Variants in CNOT4 observed in about 807,000 individuals in gnomAD.
CNOT4 encodes CCR4-NOT transcription complex subunit 4, also known as CCR4-associated factor 4.
Under a neutral mutation model 73.8 loss-of-function variants are expected in CNOT4, and 8 were observed. That is an observed-to-expected ratio of 0.11 (90% CI 0.06 to 0.20). The LOEUF (loss-of-function observed/expected upper bound fraction) is 0.20. Among genes scored for constraint, CNOT4 ranks in the 10% least tolerant of loss-of-function variants. CNOT4 has a pLI of 1.00. For synonymous variants in CNOT4, 293 were observed against 321.1 expected (o/e 0.91, Z 0.94); for missense variants, 564 against 883.4 (o/e 0.64, Z 4.58).
intron 10 of CNOT4, 128 bp downstream of exon 10, chr7:135,393,790 A>C (rs1796524338): frequency 3.0e-6 from 2 of 661,862 alleles, no homozygotes; most frequent in Non-Finnish European, 5.3e-6. Context: ...GATTATGATA[A>C]AGACTAATCT....
intron 1 of CNOT4, among the ~76,000 whole-genome samples, chr7:135,481,659 A>T (rs767143682): frequency 2.0e-5 from 3 of 152,210 alleles, no homozygotes; most frequent in Non-Finnish European, 4.4e-5. Flanking sequence ...TTATTGCAGC[A>T]CTATTCACAA....
chr7:135,499,059 T>G (rs1158553051), intron 1 of CNOT4, among the ~76,000 whole-genome samples: 2 of 152,082 alleles, frequency 1.3e-5, no homozygotes, highest in African/African-American at 4.8e-5. Context: ...AAGGCAGAGG[T>G]TTTTTTCATA....
At chr7:135,418,112 A>T (rs1181620300) in intron 3 of CNOT4, among the ~76,000 whole-genome samples, 1 of 152,240 alleles carries the variant, frequency 6.6e-6, no homozygotes, top group Non-Finnish European at 1.5e-5. Flanking sequence ...TTAGCATTAA[A>T]CAAAAAGAAT....
chr7:135,493,537 T>C (rs1353661278), intron 1 of CNOT4, among the ~76,000 whole-genome samples: 1 of 151,944 alleles, frequency 6.6e-6, no homozygotes, highest in Non-Finnish European at 1.5e-5. Flanking sequence ...TTCCACTGGG[T>C]TGCACAATGG....
chr7:135,369,237 AAAC>A (rs1795065884), intron 10 of CNOT4, among the ~76,000 whole-genome samples: 1 of 152,226 alleles, frequency 6.6e-6, no homozygotes, highest in Non-Finnish European at 1.5e-5. Context: ...AACACATGTA[AAAC>A]AAGCCCCCAA....
At chr7:135,500,103 T>C (rs1803864299) in intron 1 of CNOT4, among the ~76,000 whole-genome samples, 2 of 152,200 alleles carry the variant, frequency 1.3e-5, no homozygotes, top group South Asian at 4.1e-4. Context: ...AAAAGGTTCA[T>C]GGCATTATGA....
At chr7:135,493,367 C>G (rs1226767623) in intron 1 of CNOT4, among the ~76,000 whole-genome samples, 1 of 152,164 alleles carries the variant, frequency 6.6e-6, no homozygotes, top group Non-Finnish European at 1.5e-5. Flanking sequence ...GGACTCCCCA[C>G]TGATCCTTGA....
chr7:135,408,696 G>C (rs1223374908), intron 7 of CNOT4, among the ~76,000 whole-genome samples: 2 of 152,084 alleles, frequency 1.3e-5, no homozygotes, highest in Non-Finnish European at 2.9e-5. Flanking sequence ...TTCACTTAAC[G>C]TGCACAGCTT....
At chr7:135,422,376 G>C in intron 2 of CNOT4, 23 bp from the exon 3 acceptor site, 1 of 1,093,540 alleles carries the variant, frequency 9.1e-7, no homozygotes, top group Non-Finnish European at 1.4e-6. Flanking sequence ...AACAAACATA[G>C]ACGTTAGCAT....
intron 10 of CNOT4, among the ~76,000 whole-genome samples, chr7:135,373,848 T>G (rs1795362710): frequency 6.6e-6 from 1 of 152,162 alleles, no homozygotes; most frequent in African/African-American, 2.4e-5. Context: ...CCCAAAGCAC[T>G]GGGATTACAG....
At chr7:135,495,748 A>T (rs940146156) in intron 1 of CNOT4, among the ~76,000 whole-genome samples, 1 of 129,246 alleles carries the variant, frequency 7.7e-6, no homozygotes, top group Non-Finnish European at 1.7e-5. Flanking sequence ...GAAAGAAAGA[A>T]AGAAAGAAAG....
At position 135,363,881 on chromosome 7, in the gene CNOT4, T is replaced by C. The variant is rs373363789; in HGVS notation, c.1813A>G (p.Ser605Gly). Residue 605 changes from serine to glycine, a missense_variant, in exon 11 of 12, where the codon AGC (serine) becomes GGC (glycine). By Grantham distance (56) the Ser-to-Gly change is moderately conservative. Around this residue, in one of 10 missense-constraint regions of CNOT4, gnomAD observed 53 missense variants for 75.4 expected, o/e 0.70. Transcript: ENST00000541284. The surrounding 1 kb of genome is among the most constrained non-coding windows in gnomAD (Gnocchi z 4.3). ...GTGATGATGGCTGGGTCTGTCCAGCTGCCAGGGCTGTCCCAACTCAGGCTG... is the reference window on the plus strand; with the variant it reads ...GTGATGATGGCTGGGTCTGTCCAGCCGCCAGGGCTGTCCCAACTCAGGCTG... The part of the protein sequence containing the change: ...TDSLSWDSPG[S>G]WTDPAIITGI... 3 of 1,597,804 alleles carry C rather than the reference T, an allele frequency of 1.9e-6. No homozygotes were observed. The highest frequency in any genetic ancestry group is 2.7e-5 in the African/African-American group (2 of 74,870).
intron 1 of CNOT4, among the ~76,000 whole-genome samples, chr7:135,460,338 G>C (rs1800801889): frequency 6.6e-6 from 1 of 152,182 alleles, no homozygotes; most frequent in South Asian, 2.1e-4. Context: ...TGAGGCTTTT[G>C]ACATGCCTTC....
chr7:135,420,906 T>A (rs571746805), intron 3 of CNOT4, among the ~76,000 whole-genome samples: 3 of 152,254 alleles, frequency 2.0e-5, no homozygotes, highest in Middle Eastern at 3.4e-3. Context: ...GCTGAACATT[T>A]CTTACTAAAG....
chr7:135,406,121 C>T (rs566658125), intron 7 of CNOT4, among the ~76,000 whole-genome samples: 8 of 152,196 alleles, frequency 5.3e-5, no homozygotes, highest in Middle Eastern at 3.4e-3. Context: ...ACAAATTCAT[C>T]CCTACTACCT....
chr7:135,438,400 GCTAAAATGTAGGACTTTGACGAC>G lies in CNOT4; in HGVS notation c.-92_-70del. On this transcript the variant is annotated splice_region_variant and 5_prime_UTR_variant, in exon 2 of 12. Transcript: ENST00000541284. ...GGGAGAAGGAAGTTCAGCACTGAAA[GCTAAAATGTAGGACTTTGACGAC>G]CTGCATGAGAAGAAACAAAATACAT... is the stretch of plus-strand genomic sequence containing the variant. 1 of 1,341,228 alleles carries G rather than the reference GCTAAAATGTAGGACTTTGACGAC, an allele frequency of 7.5e-7. No individual in the cohort carries two copies. Among genetic ancestry groups the G allele is most frequent in the South Asian group, 1.6e-5 (1 of 61,418 alleles). The allele number at this position is 1,341,228 out of a possible 1,614,324, so 83.1% of individuals were successfully genotyped here.
At chr7:135,491,258 T>A (rs1803091095) in intron 1 of CNOT4, among the ~76,000 whole-genome samples, 1 of 152,112 alleles carries the variant, frequency 6.6e-6, no homozygotes, top group African/African-American at 2.4e-5. Flanking sequence ...AGAAAAATAT[T>A]CAAAGCCACC....
intron 6 of CNOT4, among the ~76,000 whole-genome samples, chr7:135,411,376 G>A (rs1223461287): frequency 6.6e-6 from 1 of 151,990 alleles, no homozygotes; most frequent in Non-Finnish European, 1.5e-5. Flanking sequence ...TAGTGCAACA[G>A]AGGCAGAGTA....
At chr7:135,490,095 C>T (rs1454508728) in intron 1 of CNOT4, among the ~76,000 whole-genome samples, 1 of 152,174 alleles carries the variant, frequency 6.6e-6, no homozygotes, top group Admixed American at 6.5e-5. Flanking sequence ...TGACAAGTAC[C>T]TTCAAAGTAC....
Sources: allele counts gnomAD v4.1 joint callset (sites outside exome capture counted in the v4.1 genomes callset), GRCh38; gene constraint gnomAD v4.1.1; regional missense constraint gnomAD v4.1.1; non-coding constraint Gnocchi (gnomAD v3.1); transcripts MANE v1.5; gene names NCBI Gene and HGNC (gene_info 2026-07-23, HGNC 2026-07-21).